CPLX1: variants seen among roughly 807,000 people sequenced by gnomAD.
CPLX1 encodes complexin 1.
A neutral mutation model predicts 15.6 loss-of-function variants in CPLX1; 6 were observed. That is an observed-to-expected ratio of 0.39 (90% CI 0.21 to 0.76). The LOEUF is 0.76. CPLX1 is among the 30% of genes least tolerant of loss of function. CPLX1 has a pLI of 0.43. For synonymous variants in CPLX1, 91 were observed against 75.2 expected (o/e 1.21, Z -1.08); for missense variants, 242 against 188.6 (o/e 1.28, Z -1.66).
At chr4:817,386 T>C (rs1341029711) in intron 2 of CPLX1, among the ~76,000 whole-genome samples, 6 of 148,492 alleles carry the variant, frequency 4.0e-5, no homozygotes, top group African/African-American at 1.5e-4. Context: ...AAACCCCGTC[T>C]CTACTAAAAA....
intron 2 of CPLX1, 68 bp from the exon 3 acceptor site, chr4:792,676 A>T (rs1337774031): frequency 1.3e-6 from 2 of 1,504,130 alleles, no homozygotes; most frequent in African/African-American, 2.8e-5. Flanking sequence ...TGTCTCAGCC[A>T]CACTCCCCCA....
chr4:805,744 T>C (rs1289679316), intron 2 of CPLX1, among the ~76,000 whole-genome samples: 2 of 152,188 alleles, frequency 1.3e-5, no homozygotes, highest in African/African-American at 2.4e-5. Context: ...CAATGTGGTG[T>C]AGACAGAATG....
chr4:800,564 A>ATGTGTGTG (rs35182041), intron 2 of CPLX1, among the ~76,000 whole-genome samples: 3 of 142,952 alleles, frequency 2.1e-5, no homozygotes, highest in Middle Eastern at 3.6e-3. Flanking sequence ...ATATAAATAT[A>ATGTGTGTG]TGTGTGTGTG....
intron 2 of CPLX1, among the ~76,000 whole-genome samples, chr4:812,059 T>G (rs1251747720): frequency 6.6e-6 from 1 of 152,154 alleles, no homozygotes; most frequent in Non-Finnish European, 1.5e-5. Flanking sequence ...CACTTTTACC[T>G]GACTAGAGTC....
chr4:820,490 C>T lies in CPLX1; in HGVS notation c.31+4002G>A, dbSNP rs1011463381. On this transcript the variant is annotated intron_variant, in intron 2 of 3. Coordinates refer to ENST00000304062, the MANE Select transcript of CPLX1 (RefSeq NM_006651.4). ...ATGGTGTAAGTCTCAGGGGTGGACACTGGGAATCAGGGCAGGATTGCCCAG... is the reference window on the plus strand; with the variant it reads ...ATGGTGTAAGTCTCAGGGGTGGACATTGGGAATCAGGGCAGGATTGCCCAG... 2.6e-5 allele frequency among the ~76,000 whole-genome samples: 4 copies of T among 152,206 alleles called. No homozygotes were observed. The East Asian group carries it at 7.7e-4, about 29-fold the overall frequency.
At chr4:820,512 C>T (rs1746841158) in intron 2 of CPLX1, among the ~76,000 whole-genome samples, 1 of 152,186 alleles carries the variant, frequency 6.6e-6, no homozygotes, top group Admixed American at 6.5e-5. Context: ...GCAGGATTGC[C>T]CAGATCCCAG....
chr4:824,353 C>T (rs1365282502), intron 2 of CPLX1, 139 bp downstream of exon 2: 2 of 780,208 alleles, frequency 2.6e-6, no homozygotes, highest in Non-Finnish European at 4.3e-6. Flanking sequence ...GCTCCTCTGC[C>T]CCAGGCTCCT....
chr4:798,333 A>G (rs1746385279), intron 2 of CPLX1, among the ~76,000 whole-genome samples: 1 of 152,094 alleles, frequency 6.6e-6, no homozygotes, highest in African/African-American at 2.4e-5. Context: ...GAAAGTCCAG[A>G]AATAGACCCA....
At chr4:798,908 T>TA (rs1451133814) in intron 2 of CPLX1, among the ~76,000 whole-genome samples, 1 of 152,216 alleles carries the variant, frequency 6.6e-6, no homozygotes, top group African/African-American at 2.4e-5. Flanking sequence ...ATTTCTTATA[T>TA]AAGTGACAAA....
chr4:789,777 T>C (rs985433595), intron 3 of CPLX1, among the ~76,000 whole-genome samples: 4 of 152,192 alleles, frequency 2.6e-5, no homozygotes, highest in African/African-American at 9.6e-5. Context: ...CCAGTCCCCA[T>C]CTGCACAGAG....
At chr4:807,280 C>T (rs1369128881) in intron 2 of CPLX1, among the ~76,000 whole-genome samples, 1 of 152,132 alleles carries the variant, frequency 6.6e-6, no homozygotes. Context: ...ACATTGAGAA[C>T]ACATGGACAC....
chr4:815,409 T>C (rs1400727975), intron 2 of CPLX1, among the ~76,000 whole-genome samples: 1 of 14,000 alleles, frequency 7.1e-5, no homozygotes, highest in South Asian at 2.5e-3. Context: ...AGACTCCGTC[T>C]CAAAAAAAAA....
intron 3 of CPLX1, among the ~76,000 whole-genome samples, chr4:791,127 A>C (rs1465850756): frequency 7.0e-6 from 1 of 142,772 alleles, no homozygotes; most frequent in East Asian, 2.3e-4. Flanking sequence ...CCTGGCTGAG[A>C]TGGTGCATTT....
chr4:788,810 T>G (rs1188893204), intron 3 of CPLX1, among the ~76,000 whole-genome samples: 1 of 152,078 alleles, frequency 6.6e-6, no homozygotes, highest in African/African-American at 2.4e-5. Context: ...GGCGGCAACA[T>G]GTGTATCCAG....
chr4:808,284 G>C (rs763173329), intron 2 of CPLX1, among the ~76,000 whole-genome samples: 13 of 151,814 alleles, frequency 8.6e-5, no homozygotes, highest in Non-Finnish European at 1.6e-4. Context: ...CCTCCTCCTG[G>C]GCCCTTGTAA....
Position 799,905 on chromosome 4 carries a change from C to G in CPLX1, c.32-7297G>C, listed in dbSNP as rs1577475157. Among the ~76,000 whole-genome samples the G allele has an allele frequency of 3.3e-5, 5 of 152,278 alleles. No individual in the cohort carries two copies. The South Asian group carries it at 1.0e-3, about 32-fold the overall frequency. ...AAGATCCTCTGTAATAAACCATAGG[C>G]ATATGTTTCCCTGAATTCTGTGAGT... On this transcript the variant is annotated intron_variant, in intron 2 of 3. Coordinates refer to ENST00000304062, the MANE Select transcript of CPLX1 (RefSeq NM_006651.4).
intron 2 of CPLX1, among the ~76,000 whole-genome samples, chr4:792,921 G>C (rs962742077): frequency 6.6e-6 from 1 of 152,210 alleles, no homozygotes; most frequent in African/African-American, 2.4e-5. Flanking sequence ...GTGTGACTGC[G>C]TGCTTATGCG....
intron 2 of CPLX1, among the ~76,000 whole-genome samples, chr4:811,877 A>C (rs1294274010): frequency 1.3e-5 from 2 of 152,156 alleles, no homozygotes; most frequent in Non-Finnish European, 2.9e-5. Flanking sequence ...GTTGGAACTC[A>C]GCTGTCGGGT....
At chr4:818,410 G>A (rs890754470) in intron 2 of CPLX1, among the ~76,000 whole-genome samples, 1 of 152,266 alleles carries the variant, frequency 6.6e-6, no homozygotes, top group Non-Finnish European at 1.5e-5. Context: ...TGGCCTCACA[G>A]GTCCCCGGGC....
Sources: allele counts gnomAD v4.1 joint callset (sites outside exome capture counted in the v4.1 genomes callset), GRCh38; gene constraint gnomAD v4.1.1; transcripts MANE v1.5; gene names NCBI Gene and HGNC (gene_info 2026-07-23, HGNC 2026-07-21).